The following FAT3 variants were observed in gnomAD, a reference collection of about 807,000 sequenced individuals.
FAT3 encodes FAT atypical cadherin 3.
In FAT3, 95 loss-of-function variants were observed where a neutral mutation model predicts 310.2. The observed-to-expected ratio is 0.31, with a 90% confidence interval of 0.26 to 0.36. The LOEUF is 0.36. FAT3 is among the 10% of genes least tolerant of loss of function. FAT3 has a pLI of 1.00. For missense variants in FAT3, 5,408 were observed against 5,715.6 expected (o/e 0.95, Z 1.74); for synonymous variants, 2,314 against 2,192.9 (o/e 1.06, Z -1.54).
chr11:92,648,632 T>C (rs1351903338), intron 3 of FAT3, among the ~76,000 whole-genome samples: 1 of 152,210 alleles, frequency 6.6e-6, no homozygotes, highest in African/African-American at 2.4e-5. Flanking sequence ...TGCCCAATCC[T>C]ACTCCCTTTA....
In FAT3 at chr11:92,318,565, C is replaced by A. The variant is rs2845866; in HGVS notation, c.-17-33531C>A. 4.4e-3 allele frequency among the ~76,000 whole-genome samples: 675 copies of A among 152,244 alleles called. 9 individuals carry two copies. Among genetic ancestry groups the A allele is most frequent in the African/African-American group, 0.015 (640 of 41,548 alleles). The stretch of plus-strand genomic sequence containing the variant: ...ACTTATTTCCCCTTTGCTTCCTAAA[C>A]TCCTAGGAGATAAACTCCTTGAAGA... On this transcript the variant is annotated intron_variant, in intron 1 of 27. Coordinates refer to ENST00000525166, the MANE Select transcript of FAT3 (RefSeq NM_001367949.2).
chr11:92,496,303 T>A (rs2135255313), intron 2 of FAT3, among the ~76,000 whole-genome samples: 1 of 152,122 alleles, frequency 6.6e-6, no homozygotes, highest in Non-Finnish European at 1.5e-5. Flanking sequence ...ATGAATACAA[T>A]ATAGTGTCAT....
intron 2 of FAT3, among the ~76,000 whole-genome samples, chr11:92,455,874 A>G (rs757409136): frequency 1.3e-5 from 2 of 152,188 alleles, no homozygotes. Context: ...ATTGATGCCT[A>G]ACTTTTACTT....
chr11:92,269,537 A>T (rs1946065369), intron 1 of FAT3, among the ~76,000 whole-genome samples: 1 of 152,190 alleles, frequency 6.6e-6, no homozygotes, highest in East Asian at 1.9e-4. Flanking sequence ...TCTTTATGCT[A>T]TCTGTTGGAA....
intron 13 of FAT3, among the ~76,000 whole-genome samples, chr11:92,820,730 A>T (rs1300229600): frequency 6.6e-6 from 1 of 152,192 alleles, no homozygotes; most frequent in African/African-American, 2.4e-5. Context: ...CAGCTAAAAA[A>T]TGCCTGGATT....
chr11:92,550,695 A>G (rs1220883820), intron 3 of FAT3, among the ~76,000 whole-genome samples: 1 of 151,858 alleles, frequency 6.6e-6, no homozygotes, highest in Admixed American at 6.6e-5. Context: ...GCAAGCTATT[A>G]CCCAAATCTC....
chr11:92,371,512 T>G (rs780456982), intron 2 of FAT3, among the ~76,000 whole-genome samples: 3 of 152,196 alleles, frequency 2.0e-5, no homozygotes, highest in African/African-American at 4.8e-5. Flanking sequence ...GTCCAGGAGT[T>G]TGAGACCAGC....
At chr11:92,552,405 A>G (rs1954851193) in intron 3 of FAT3, among the ~76,000 whole-genome samples, 2 of 152,226 alleles carry the variant, frequency 1.3e-5, no homozygotes, top group Admixed American at 6.5e-5. Context: ...TGGGAATTAT[A>G]TTAGTAAATA....
In FAT3 at chr11:92,524,858, G is replaced by A. The variant is rs2135362728; in HGVS notation, c.3517G>A (p.Glu1173Lys). Residue 1173 changes from glutamate to lysine, a missense_variant, in exon 3 of 28, where the codon GAA becomes AAA. Around this residue, in one of 5 missense-constraint regions of FAT3, gnomAD observed 4,588 missense variants for 4,809.8 expected, o/e 0.95. Coordinates refer to ENST00000525166, the MANE Select transcript of FAT3 (RefSeq NM_001367949.2). ...CGTATCTGTCATTCAGATCCAGGCT[G>A]AAGATCCTGACTCCAGTTCCAATGA... The part of the protein sequence containing the change: ...KDVSVIQIQA[E>K]DPDSSSNEKL... 6.2e-7 allele frequency: 1 copy of A among 1,613,846 alleles called. No homozygotes were observed. The highest frequency in any genetic ancestry group is 8.5e-7 in the Non-Finnish European group (1 of 1,179,834).
intron 2 of FAT3, among the ~76,000 whole-genome samples, chr11:92,399,401 G>A (rs1003585413): frequency 2.0e-5 from 3 of 152,156 alleles, no homozygotes; most frequent in African/African-American, 7.2e-5. Context: ...TGATATTCCT[G>A]TAAAATTTTA....
At chr11:92,859,128 T>TA (rs1157983063) in intron 20 of FAT3, 37 bp from the exon 21 acceptor site, 2 of 1,588,602 alleles carry the variant, frequency 1.3e-6, no homozygotes, top group African/African-American at 2.7e-5. Context: ...TTCTGGATGT[T>TA]AAAAATATAT....
chr11:92,831,035 C>A (rs1283946206), intron 13 of FAT3, among the ~76,000 whole-genome samples: 2 of 152,158 alleles, frequency 1.3e-5, no homozygotes, highest in African/African-American at 4.8e-5. Flanking sequence ...TCCTCTCTGG[C>A]TGCCCTTCCA....
intron 4 of FAT3, among the ~76,000 whole-genome samples, chr11:92,718,140 A>C (rs981585835): frequency 6.6e-6 from 1 of 152,070 alleles, no homozygotes; most frequent in African/African-American, 2.4e-5. Flanking sequence ...TATAATCCTG[A>C]GACATTGACC....
chr11:92,464,631 C>T (rs1411634081), intron 2 of FAT3, among the ~76,000 whole-genome samples: 2 of 152,128 alleles, frequency 1.3e-5, no homozygotes, highest in Admixed American at 6.6e-5. Context: ...ATGTGATAAT[C>T]GTACATTAAC....
chr11:92,890,102 T>G (rs375455748), intron 27 of FAT3, among the ~76,000 whole-genome samples: 17 of 152,330 alleles, frequency 1.1e-4, no homozygotes, highest in African/African-American at 3.8e-4. Context: ...CCTGCACGCC[T>G]TCCTGCCTCC....
intron 1 of FAT3, among the ~76,000 whole-genome samples, chr11:92,331,207 G>A (rs1368280399): frequency 3.3e-5 from 5 of 151,870 alleles, no homozygotes; most frequent in Non-Finnish European, 5.9e-5. Flanking sequence ...ATGATTTAGC[G>A]CTGCTATTGC....
chr11:92,763,185 C>G (rs1225001568), intron 5 of FAT3, among the ~76,000 whole-genome samples: 2 of 151,536 alleles, frequency 1.3e-5, no homozygotes, highest in African/African-American at 2.4e-5. Flanking sequence ...CCATCCACCA[C>G]TCTTTTCTTT....
At chr11:92,630,306 G>T (rs1243394869) in intron 3 of FAT3, among the ~76,000 whole-genome samples, 2 of 152,000 alleles carry the variant, frequency 1.3e-5, no homozygotes, top group Middle Eastern at 3.2e-3. Flanking sequence ...TGTAACTGTT[G>T]GTTTTCCCCA....
At chr11:92,460,889 C>G (rs892138422) in intron 2 of FAT3, among the ~76,000 whole-genome samples, 2 of 152,252 alleles carry the variant, frequency 1.3e-5, no homozygotes, top group Admixed American at 1.3e-4. Flanking sequence ...CCTGAATGAA[C>G]CATCACCACT....
Sources: allele counts gnomAD v4.1 joint callset (sites outside exome capture counted in the v4.1 genomes callset), GRCh38; gene constraint gnomAD v4.1.1; regional missense constraint gnomAD v4.1.1; transcripts MANE v1.5; gene names NCBI Gene and HGNC (gene_info 2026-07-23, HGNC 2026-07-21).